Variants in CTNNA2 observed in about 807,000 individuals in gnomAD.
CTNNA2 encodes the protein catenin alpha 2, also known as catenin alpha-2.
Under a neutral mutation model 101.0 loss-of-function variants are expected in CTNNA2, and 42 were observed. The observed-to-expected ratio is 0.42, with a 90% CI of 0.32 to 0.54. CTNNA2 has a LOEUF of 0.54. Ranked by LOEUF, CTNNA2 falls within the 20% of genes least tolerant of loss-of-function variation. CTNNA2 has a pLI of 0.14. For missense variants in CTNNA2, 871 were observed against 1,223.1 expected (o/e 0.71, Z 4.29); for synonymous variants, 450 against 456.4 (o/e 0.99, Z 0.18).
At chr2:80,580,182 C>T (rs547584035) in intron 13 of CTNNA2, among the ~76,000 whole-genome samples, 13 of 152,270 alleles carry the variant, frequency 8.5e-5, no homozygotes, top group African/African-American at 1.7e-4. Context: ...AAGAAACCTG[C>T]GTGAGTTAGT....
At chr2:80,378,444 TACACACACACACAC>T (rs3040572) in intron 7 of CTNNA2, among the ~76,000 whole-genome samples, 7 of 147,800 alleles carry the variant, frequency 4.7e-5, no homozygotes, top group Non-Finnish European at 1.0e-4. Context: ...ACTTGCAGTA[TACACACACACACAC>T]ACACACACAC....
intron 7 of CTNNA2, among the ~76,000 whole-genome samples, chr2:80,340,700 A>G (rs568053140): frequency 6.6e-5 from 10 of 152,302 alleles, no homozygotes; most frequent in African/African-American, 2.2e-4. Context: ...ACAATTATAT[A>G]CAGGCTTTGG....
chr2:79,503,427 A>G (rs1671346305), intron 4 of CTNNA2, among the ~76,000 whole-genome samples: 1 of 152,174 alleles, frequency 6.6e-6, no homozygotes, highest in Admixed American at 6.5e-5. Flanking sequence ...GACGTTCTGT[A>G]CTACATTGCT....
chr2:80,421,820 A>AC lies in CTNNA2; in HGVS notation c.1290+2222dup, dbSNP rs1299884772. On this transcript the variant is annotated intron_variant, in intron 9 of 18. Transcript: ENST00000402739. ...ATATATACAAAAAAAAAAAAAAAAA[A>AC]CCCAAACTTGAACCACCGAGCTGAG... Among the ~76,000 whole-genome samples, 584 of 151,278 alleles carry AC rather than the reference A, an allele frequency of 3.9e-3. 5 individuals are homozygous for AC. Among genetic ancestry groups the AC allele is most frequent in the African/African-American group, 0.013 (531 of 41,162 alleles).
At chr2:79,424,065 G>A (rs1272680922) in intron 4 of CTNNA2, among the ~76,000 whole-genome samples, 1 of 152,038 alleles carries the variant, frequency 6.6e-6, no homozygotes, top group Non-Finnish European at 1.5e-5. Flanking sequence ...AACTGATGGG[G>A]AAAGATTGTA....
intron 4 of CTNNA2, among the ~76,000 whole-genome samples, chr2:79,437,226 CTG>C (rs1678726361): frequency 8.3e-6 from 1 of 119,884 alleles, no homozygotes; most frequent in African/African-American, 2.8e-5. Context: ...AAGAGTGAAA[CTG>C]TCTCAAAAAA....
At chr2:79,730,981 T>G (rs935477031) in intron 2 of CTNNA2, among the ~76,000 whole-genome samples, 1 of 152,008 alleles carries the variant, frequency 6.6e-6, no homozygotes, top group Non-Finnish European at 1.5e-5. Context: ...TTCAAGAAAT[T>G]TAAAAGAAAT....
At chr2:79,789,101 A>G (rs888824636) in intron 3 of CTNNA2, among the ~76,000 whole-genome samples, 9 of 152,212 alleles carry the variant, frequency 5.9e-5, no homozygotes, top group Admixed American at 2.0e-4. Context: ...TACAATCGTC[A>G]TATAAGGTGG....
intron 2 of CTNNA2, among the ~76,000 whole-genome samples, chr2:79,239,632 G>A (rs1306044582): frequency 6.6e-6 from 1 of 152,048 alleles, no homozygotes; most frequent in Non-Finnish European, 1.5e-5. Context: ...CAGGACATAG[G>A]CACAGGCAAA....
intron 4 of CTNNA2, among the ~76,000 whole-genome samples, chr2:79,863,086 T>C (rs1681748041): frequency 1.3e-5 from 2 of 152,088 alleles, no homozygotes; most frequent in South Asian, 4.2e-4. Context: ...GGTTGCATGA[T>C]CCTAGACTAA....
chr2:80,143,890 G>A (rs945014419), intron 7 of CTNNA2, among the ~76,000 whole-genome samples: 1 of 152,102 alleles, frequency 6.6e-6, no homozygotes, highest in Non-Finnish European at 1.5e-5. Context: ...CTTTGATGGA[G>A]AGAATTTAGA....
At chr2:80,385,003 T>G (rs1353640159) in intron 7 of CTNNA2, among the ~76,000 whole-genome samples, 1 of 152,156 alleles carries the variant, frequency 6.6e-6, no homozygotes, top group Non-Finnish European at 1.5e-5. Flanking sequence ...TGGCTTTAAG[T>G]GCAACTAGAT....
intron 7 of CTNNA2, among the ~76,000 whole-genome samples, chr2:79,982,238 A>ATATATATATG (rs1553420970): frequency 7.8e-5 from 7 of 89,604 alleles, no homozygotes; most frequent in East Asian, 4.1e-4. Context: ...ATATATATAT[A>ATATATATATG]TATGTATGTA....
At chr2:79,713,993 G>C (rs895151254) in intron 2 of CTNNA2, among the ~76,000 whole-genome samples, 1 of 152,040 alleles carries the variant, frequency 6.6e-6, no homozygotes, top group African/African-American at 2.4e-5. Flanking sequence ...CCCTTCCTCT[G>C]GGTGATCCTT....
intron 7 of CTNNA2, among the ~76,000 whole-genome samples, chr2:79,999,467 C>T (rs55841918): frequency 0.11 from 16,917 of 152,194 alleles, 1,055 homozygotes; most frequent in South Asian, 0.15. Flanking sequence ...CACAGTTGGG[C>T]CCTGAGCTTC....
chr2:79,784,188 A>G (rs1414513985), intron 3 of CTNNA2, among the ~76,000 whole-genome samples: 6 of 152,132 alleles, frequency 3.9e-5, no homozygotes, highest in Non-Finnish European at 5.9e-5. Flanking sequence ...CAAGATACTT[A>G]TTCAGAACCA....
intron 2 of CTNNA2, among the ~76,000 whole-genome samples, chr2:79,221,581 T>G (rs1674345769): frequency 6.6e-6 from 1 of 152,202 alleles, no homozygotes; most frequent in Admixed American, 6.5e-5. Context: ...TTAGGAGATC[T>G]TTTTAATGTG....
At chr2:80,419,744 TTACTG>T (rs1680354681) in intron 9 of CTNNA2, 143 bp downstream of exon 9, 1 of 805,146 alleles carries the variant, frequency 1.2e-6, no homozygotes, top group Non-Finnish European at 1.9e-6. Flanking sequence ...TACTTTCTGA[TTACTG>T]TACCCCCTTT....
At chr2:79,484,476 G>A (rs540614881) in intron 4 of CTNNA2, among the ~76,000 whole-genome samples, 1 of 152,172 alleles carries the variant, frequency 6.6e-6, no homozygotes, top group South Asian at 2.1e-4. Context: ...CCTAAATGCA[G>A]CTAGAAGCAA....
Sources: allele counts gnomAD v4.1 joint callset (sites outside exome capture counted in the v4.1 genomes callset), GRCh38; gene constraint gnomAD v4.1.1; transcripts MANE v1.5; gene names NCBI Gene and HGNC (gene_info 2026-07-23, HGNC 2026-07-21).